FGF14: variants seen among roughly 807,000 people sequenced by gnomAD.
FGF14 encodes fibroblast growth factor homologous factor 4.
In FGF14, 5 loss-of-function variants were observed where a neutral mutation model predicts 25.5. The ratio of observed to expected loss-of-function variants is 0.20; its 90% CI spans 0.10 to 0.41. The LOEUF (loss-of-function observed/expected upper bound fraction) is 0.41, where lower values mean the gene tolerates loss of function less well. Among genes scored for constraint, FGF14 ranks in the 10% least tolerant of loss-of-function variants. The pLI is 1.00. For missense variants in FGF14, 222 were observed against 320.1 expected (o/e 0.69, Z 2.34); for synonymous variants, 138 against 118.3 (o/e 1.17, Z -1.08).
At chr13:102,253,040 G>T (rs1594592172) in intron 1 of FGF14, among the ~76,000 whole-genome samples, 1 of 152,176 alleles carries the variant, frequency 6.6e-6, no homozygotes, top group Admixed American at 6.5e-5. Context: ...TGGTGTATAT[G>T]TGCCACATAT....
chr13:101,964,176 T>C (rs767349039), intron 1 of FGF14, among the ~76,000 whole-genome samples: 2 of 152,312 alleles, frequency 1.3e-5, no homozygotes, highest in East Asian at 3.9e-4. Context: ...TTCAGTTCAA[T>C]GTATTAAATA....
intron 1 of FGF14, among the ~76,000 whole-genome samples, chr13:102,399,935 C>T (rs1002352439): frequency 6.6e-6 from 1 of 152,178 alleles, no homozygotes; most frequent in African/African-American, 2.4e-5. Flanking sequence ...CAATCTTCTC[C>T]GCCCCAGCAT....
chr13:102,172,105 C>T (rs1415664826), intron 1 of FGF14, among the ~76,000 whole-genome samples: 2 of 151,886 alleles, frequency 1.3e-5, no homozygotes, highest in Non-Finnish European at 1.5e-5. Context: ...GCTGGGATTA[C>T]AGATATGACC....
At chr13:102,325,358 A>G (rs926950348) in intron 1 of FGF14, among the ~76,000 whole-genome samples, 1 of 152,208 alleles carries the variant, frequency 6.6e-6, no homozygotes, top group African/African-American at 2.4e-5. Context: ...TTTTATTAAG[A>G]AAAAACAATA....
intron 1 of FGF14, among the ~76,000 whole-genome samples, chr13:102,351,636 C>T (rs1430080044): frequency 6.6e-6 from 1 of 152,208 alleles, no homozygotes; most frequent in Non-Finnish European, 1.5e-5. Flanking sequence ...CTCAAGGCTT[C>T]ACAGGGACTG....
chr13:102,272,533 A>T lies in FGF14; in HGVS notation c.208+128938T>A, dbSNP rs78250454. 3.5e-3 allele frequency among the ~76,000 whole-genome samples: 526 copies of T among 152,290 alleles called. 3 individuals are homozygous for T. The highest frequency in any genetic ancestry group is 0.012 in the African/African-American group (497 of 41,564). On this transcript the variant is annotated intron_variant, in intron 1 of 4. Transcript: ENST00000376131. ...AAATGTGGATATGGTGATGGCAGGA[A>T]CGGTAGTAATAATATCTAACATTTA...
At position 102,103,042 on chromosome 13, in the gene FGF14, T is replaced by C. The variant is rs960904039; in HGVS notation, c.209-227746A>G. On this transcript the variant is annotated intron_variant, in intron 1 of 4. Transcript: ENST00000376131. ...ATTATTTCTTCAAAAAGTCCATTTTTTCAGAAATGACATTGAAGGTCTAAC... is the reference window on the plus strand; with the variant it reads ...ATTATTTCTTCAAAAAGTCCATTTTCTCAGAAATGACATTGAAGGTCTAAC... Among the ~76,000 whole-genome samples, 5 of 152,306 alleles carry C rather than the reference T, an allele frequency of 3.3e-5. No homozygotes were observed. The South Asian group carries it at 1.0e-3, about 32-fold the overall frequency.
chr13:101,742,725 T>A (rs2036632178), intron 3 of FGF14, among the ~76,000 whole-genome samples: 1 of 152,114 alleles, frequency 6.6e-6, no homozygotes, highest in Non-Finnish European at 1.5e-5. Flanking sequence ...AGAGTCAAGC[T>A]GGGAAATGCA....
At chr13:102,155,384 G>A (rs2047283121) in intron 1 of FGF14, among the ~76,000 whole-genome samples, 1 of 152,318 alleles carries the variant, frequency 6.6e-6, no homozygotes, top group South Asian at 2.1e-4. Context: ...CAATTACATG[G>A]AAACTGAACA....
intron 1 of FGF14, among the ~76,000 whole-genome samples, chr13:102,347,893 G>A (rs929463836): frequency 6.6e-6 from 1 of 151,850 alleles, no homozygotes; most frequent in Admixed American, 6.6e-5. Flanking sequence ...AAACAGTGAT[G>A]ATCTCCCAGG....
At chr13:102,160,822 A>T (rs928718340) in intron 1 of FGF14, among the ~76,000 whole-genome samples, 1 of 152,116 alleles carries the variant, frequency 6.6e-6, no homozygotes, top group Non-Finnish European at 1.5e-5. Flanking sequence ...GCAAAAAAAA[A>T]CAGTGCTTAT....
intron 1 of FGF14, among the ~76,000 whole-genome samples, chr13:102,133,518 G>C (rs564720741): frequency 6.6e-6 from 1 of 152,130 alleles, no homozygotes; most frequent in African/African-American, 2.4e-5. Context: ...GATTTCTATA[G>C]AGCATAATAT....
At chr13:102,206,013 A>T (rs2049901290) in intron 1 of FGF14, among the ~76,000 whole-genome samples, 1 of 81,204 alleles carries the variant, frequency 1.2e-5, no homozygotes, top group African/African-American at 7.8e-5. Context: ...AAAAAAAAAA[A>T]AAAAAAAAAA....
chr13:102,348,218 A>G (rs1001673846), intron 1 of FGF14, among the ~76,000 whole-genome samples: 4 of 152,222 alleles, frequency 2.6e-5, no homozygotes, highest in African/African-American at 9.6e-5. Context: ...ATGTGTTACT[A>G]TAGTCGAAAT....
intron 1 of FGF14, among the ~76,000 whole-genome samples, chr13:102,224,979 C>T (rs2050769488): frequency 6.6e-6 from 1 of 152,136 alleles, no homozygotes; most frequent in African/African-American, 2.4e-5. Flanking sequence ...TGCCAAGCCC[C>T]CAATTCCCAG....
At chr13:102,040,069 T>A (rs932448351) in intron 1 of FGF14, among the ~76,000 whole-genome samples, 5 of 152,228 alleles carry the variant, frequency 3.3e-5, no homozygotes, top group Non-Finnish European at 4.4e-5. Flanking sequence ...ACCTGTGAGT[T>A]GTTGTTTCAA....
intron 1 of FGF14, among the ~76,000 whole-genome samples, chr13:102,161,371 G>C (rs1048740528): frequency 4.6e-5 from 7 of 152,006 alleles, no homozygotes; most frequent in Admixed American, 1.3e-4. Flanking sequence ...GTTGCCACTG[G>C]AGTAACTGTG....
At chr13:101,809,005 C>A (rs1174318094) in intron 3 of FGF14, among the ~76,000 whole-genome samples, 1 of 152,066 alleles carries the variant, frequency 6.6e-6, no homozygotes, top group Admixed American at 6.6e-5. Context: ...TCCCAGGATG[C>A]AGACAACATT....
At chr13:101,774,208 C>T (rs2038955120) in intron 3 of FGF14, among the ~76,000 whole-genome samples, 1 of 152,066 alleles carries the variant, frequency 6.6e-6, no homozygotes, top group South Asian at 2.1e-4. Flanking sequence ...ATTTGAAGAA[C>T]TATTTTATTT....
Sources: allele counts gnomAD v4.1 joint callset (sites outside exome capture counted in the v4.1 genomes callset), GRCh38; gene constraint gnomAD v4.1.1; transcripts MANE v1.5; gene names NCBI Gene and HGNC (gene_info 2026-07-23, HGNC 2026-07-21).